HECTD2: variants seen among roughly 807,000 people sequenced by gnomAD.
HECTD2 encodes the protein probable E3 ubiquitin-protein ligase HECTD2.
In HECTD2, 35 loss-of-function variants were observed where a neutral mutation model predicts 103.2. The ratio of observed to expected loss-of-function variants is 0.34; its 90% CI spans 0.26 to 0.45. The LOEUF is 0.45. HECTD2 is among the 20% of genes least tolerant of loss of function. The pLI, the probability that HECTD2 is intolerant of heterozygous loss-of-function variation, is 1.00. For synonymous variants in HECTD2, 281 were observed against 329.9 expected, an observed-to-expected ratio of 0.85 and a Z score of 1.61; for missense variants, 596 against 937.4, an observed-to-expected ratio of 0.64 and a Z score of 4.76.
In HECTD2 at chr10:91,487,733, C is replaced by A; in HGVS notation, c.1146C>A (p.Ile382=). 1.2e-6 allele frequency: 2 copies of A among 1,612,220 alleles called. No homozygotes were observed. The highest frequency in any genetic ancestry group is 1.7e-6 in the Non-Finnish European group (2 of 1,178,730). ...PFVISVAAKK[I]IIQRDSEQQM... The stretch of plus-strand genomic sequence containing the variant: ...TTATTTCTGTAGCTGCAAAAAAAAT[C>A]ATTATTCAGAGAGACTCAGAGCAAC... Residue 382 remains isoleucine (I), a synonymous_variant, in exon 11 of 21, where the codon ATC becomes ATA. Transcript: ENST00000298068. This position sits in a 1 kb window ranked among gnomAD's most constrained non-coding sequence, Gnocchi z 4.1.
chr10:91,506,441 T>C (rs1847181018), intron 20 of HECTD2, among the ~76,000 whole-genome samples: 2 of 151,236 alleles, frequency 1.3e-5, no homozygotes, highest in South Asian at 4.2e-4. Flanking sequence ...ATAAAGGGGA[T>C]ATCACCACTG....
intron 14 of HECTD2, among the ~76,000 whole-genome samples, chr10:91,494,078 T>C: frequency 6.6e-6 from 1 of 152,072 alleles, no homozygotes; most frequent in African/African-American, 2.4e-5. Context: ...CATTTCTGCA[T>C]TGGGTAGGAG....
In HECTD2 at chr10:91,410,390, A is replaced by G; in HGVS notation, c.-49A>G. ...CGGCAGCAGCAGCGCCAGCCCCAGCAACACTGAGGCCGCCGCCGCCGCCTG... is the reference window on the plus strand; with the variant it reads ...CGGCAGCAGCAGCGCCAGCCCCAGCGACACTGAGGCCGCCGCCGCCGCCTG... On this transcript the variant is annotated 5_prime_UTR_variant, in exon 1 of 21. Coordinates refer to ENST00000298068, the MANE Select transcript of HECTD2 (RefSeq NM_182765.6). 4.7e-6 allele frequency: 6 copies of G among 1,267,114 alleles called. No individual in the cohort carries two copies. The highest frequency in any genetic ancestry group is 6.0e-6 in the Non-Finnish European group (6 of 994,206). The allele number at this position is 1,267,114 out of a possible 1,614,324, so 78.5% of individuals were successfully genotyped here.
chr10:91,435,261 A>G (rs766701760), intron 2 of HECTD2, among the ~76,000 whole-genome samples: 30 of 151,832 alleles, frequency 2.0e-4, no homozygotes, highest in Non-Finnish European at 3.8e-4. Context: ...GAGTCCTGAG[A>G]AGCAAAGGAC....
intron 15 of HECTD2, among the ~76,000 whole-genome samples, chr10:91,497,650 G>T (rs1430028899): frequency 1.3e-5 from 2 of 151,808 alleles, no homozygotes; most frequent in Non-Finnish European, 2.9e-5. Context: ...CTTTTTCTTG[G>T]GAGGGGAGGG....
Position 91,410,512 on chromosome 10 carries a change from A to T in HECTD2, c.74A>T (p.Lys25Ile). The change falls in exon 1 of 21, where the codon AAA becomes ATA. Residue 25 changes from lysine to isoleucine, a missense_variant. Coordinates refer to ENST00000298068, the MANE Select transcript of HECTD2 (RefSeq NM_182765.6). ...VVAAPAPEERKGKESEREKLP... is the reference protein window; with the variant it reads ...VVAAPAPEERIGKESEREKLP... Reference sequence around the variant, plus strand: ...GCGGCGCCCGCGCCTGAGGAGAGGAAAGGGAAGGAGTCAGAGCGCGAGAAG... The same window carrying T: ...GCGGCGCCCGCGCCTGAGGAGAGGATAGGGAAGGAGTCAGAGCGCGAGAAG... The T allele has an allele frequency of 6.8e-7, 1 of 1,478,042 alleles. No individual in the cohort carries two copies. The highest frequency in any genetic ancestry group is 8.9e-7 in the Non-Finnish European group (1 of 1,119,004). The allele number at this position is 1,478,042 out of a possible 1,614,324, so 91.6% of individuals were successfully genotyped here.
chr10:91,491,521 A>G (rs1846477716), intron 12 of HECTD2, among the ~76,000 whole-genome samples: 1 of 152,142 alleles, frequency 6.6e-6, no homozygotes, highest in Non-Finnish European at 1.5e-5. Context: ...TCATGTTTGT[A>G]TGTTTATTAA....
In HECTD2 at chr10:91,466,198, AT is replaced by A. The variant is rs1845525865; in HGVS notation, c.600+4017del. Among the ~76,000 whole-genome samples the A allele has an allele frequency of 3.9e-5, 6 of 152,244 alleles. No individual in the cohort carries two copies. In the South Asian group the frequency reaches 1.2e-3, roughly 32 times the overall value. On this transcript the variant is annotated intron_variant, in intron 5 of 20. Transcript: ENST00000298068. ...TTCAGTAACATATCTAGGTTATCAA[AT>A]TTGTGAGCATAGAGTTGTTCATAAT...
At position 91,483,023 on chromosome 10, in the gene HECTD2, G is replaced by A. The variant is rs532704320; in HGVS notation, c.768G>A (p.Gln256=). ...TCATCTATGCTCACTTGCTACGACAGATAGCTACCTTAGTGGAAGCTGACC... is the reference window on the plus strand; with the variant it reads ...TCATCTATGCTCACTTGCTACGACAAATAGCTACCTTAGTGGAAGCTGACC... ...TYVIYAHLLR[Q]IATLVEADHH... is the part of the protein sequence containing the mutation. Residue 256 remains glutamine, a synonymous_variant, in exon 8 of 21, where the codon CAG becomes CAA. Transcript: ENST00000298068. The A allele has an allele frequency of 1.3e-6, 2 of 1,592,854 alleles. No individual in the cohort carries two copies. The highest frequency in any genetic ancestry group is 2.2e-5 in the South Asian group (2 of 90,080).
Position 91,496,253 on chromosome 10 carries a change from A to G in HECTD2, c.1561A>G (p.Ile521Val). 1 of 1,612,916 alleles carries G rather than the reference A, an allele frequency of 6.2e-7. No homozygotes were observed. Among genetic ancestry groups the G allele is most frequent in the Non-Finnish European group, 8.5e-7 (1 of 1,179,074 alleles). ...TGTTTATAACAGCATCACCTTGGAT[A>G]TTCGTTTCCCTCCCTGCTGTTACAA... ...LAVYNSITLD[I>V]RFPPCCYKKL... The change falls in exon 15 of 21, where the codon ATT becomes GTT. Residue 521 changes from isoleucine (I) to valine (V), a missense_variant. By Grantham distance (29) the Ile-to-Val change is conservative. This residue lies in a region of HECTD2 where 303 missense variants were observed against 522.5 expected (regional missense o/e 0.58). Transcript: ENST00000298068.
intron 20 of HECTD2, among the ~76,000 whole-genome samples, chr10:91,506,666 T>C (rs1847192631): frequency 1.3e-5 from 2 of 151,984 alleles, no homozygotes; most frequent in Middle Eastern, 3.4e-3. Context: ...CAGGACCAGA[T>C]GGATTCACAG....
chr10:91,512,245 T>C lies in HECTD2; in HGVS notation c.2211-19T>C. 1 of 1,606,540 alleles carries C rather than the reference T, an allele frequency of 6.2e-7. No individual in the cohort carries two copies. On this transcript the variant is annotated intron_variant, in intron 20 of 20. Coordinates refer to ENST00000298068, the MANE Select transcript of HECTD2 (RefSeq NM_182765.6). ...GTGTGTTTCAAGACTTAGTATTTTT[T>C]TTTAATTTTTTTCCCTAGCTTACCT...
intron 15 of HECTD2, among the ~76,000 whole-genome samples, chr10:91,496,892 T>C (rs1244967804): frequency 6.6e-6 from 1 of 151,810 alleles, no homozygotes; most frequent in Non-Finnish European, 1.5e-5. Flanking sequence ...TTTGAAATAT[T>C]GGATCAATTT....
rs1490926098 is a variant in HECTD2, at chr10:91,461,135, A to G, written c.408-119A>G. On this transcript the variant is annotated intron_variant, in intron 3 of 20. Coordinates refer to ENST00000298068, the MANE Select transcript of HECTD2 (RefSeq NM_182765.6). The stretch of plus-strand genomic sequence containing the variant: ...ATCCATAAACTATATTAACTGGGAC[A>G]TATTTCTTTATTTGGCTTCAGTATT... The G allele has an allele frequency of 7.7e-6, 4 of 520,902 alleles. No individual in the cohort carries two copies. The South Asian group carries it at 1.0e-4, about 13-fold the overall frequency. The allele number at this position is 520,902 out of a possible 1,614,324, so 32.3% of individuals were successfully genotyped here.
chr10:91,425,194 ATC>A (rs1843510071), intron 1 of HECTD2, 85 bp from the exon 2 acceptor site: 25 of 1,100,086 alleles, frequency 2.3e-5, no homozygotes, highest in Non-Finnish European at 2.9e-5. Flanking sequence ...TCAAATTAAA[ATC>A]TCTTATAAAT....
chr10:91,459,985 C>A (rs1222394038), intron 2 of HECTD2, among the ~76,000 whole-genome samples: 1 of 152,034 alleles, frequency 6.6e-6, no homozygotes, highest in African/African-American at 2.4e-5. Context: ...CACACAGTGA[C>A]AAAATTGCCT....
At chr10:91,497,471 T>G (rs1317400068) in intron 15 of HECTD2, among the ~76,000 whole-genome samples, 2 of 116,030 alleles carry the variant, frequency 1.7e-5, no homozygotes, top group African/African-American at 7.2e-5. Flanking sequence ...TTTTTTTTTT[T>G]TTTTTTTTTT....
At chr10:91,501,164 A>G (rs928072362) in intron 19 of HECTD2, 27 bp from the exon 20 acceptor site, 6 of 1,593,990 alleles carry the variant, frequency 3.8e-6, no homozygotes, top group Non-Finnish European at 5.1e-6. Flanking sequence ...AAGACATTTG[A>G]TGTTAATTTC....
intron 1 of HECTD2, among the ~76,000 whole-genome samples, chr10:91,419,560 A>G (rs1843266717): frequency 6.6e-6 from 1 of 152,156 alleles, no homozygotes; most frequent in Admixed American, 6.5e-5. Flanking sequence ...TGTAATTACT[A>G]CGTTTTTCTG....
Sources: gnomAD v4.1 joint callset for allele counts (sites outside exome capture counted in the v4.1 genomes callset) on GRCh38, gnomAD v4.1.1 for gene constraint, gnomAD v4.1.1 regional missense constraint, Gnocchi (gnomAD v3.1) non-coding constraint, MANE v1.5 for transcripts, NCBI Gene and HGNC (gene_info 2026-07-23, HGNC 2026-07-21) for gene names.